Variants in SRFBP1 observed in about 807,000 individuals in gnomAD.
SRFBP1 encodes serum response factor binding protein 1.
Under a neutral mutation model 45.5 loss-of-function variants are expected in SRFBP1, and 47 were observed. That is an observed-to-expected ratio of 1.03 (90% CI 0.82 to 1.32). The LOEUF (loss-of-function observed/expected upper bound fraction) is 1.32. SRFBP1 is among the 40% of genes most tolerant of loss of function. SRFBP1 has a pLI of 0.00. For synonymous variants in SRFBP1, 203 were observed against 166.3 expected, an observed-to-expected ratio of 1.22 and a Z score of -1.70; for missense variants, 621 against 484.6, an observed-to-expected ratio of 1.28 and a Z score of -2.64.
chr5:122,069,038 ACT>A (rs1754380973), intron 2 of SRFBP1, among the ~76,000 whole-genome samples: 3 of 151,900 alleles, frequency 2.0e-5, no homozygotes, highest in South Asian at 4.2e-4. Context: ...AATGTATGTG[ACT>A]CTGTTTTTTC....
chr5:122,057,112 C>T (rs1666380223), intron 2 of SRFBP1, among the ~76,000 whole-genome samples: 1 of 152,114 alleles, frequency 6.6e-6, no homozygotes, highest in African/African-American at 2.4e-5. Flanking sequence ...CTTGTCTTTC[C>T]AGTAACCTCT....
intron 3 of SRFBP1, among the ~76,000 whole-genome samples, chr5:121,984,172 T>C (rs1310517656): frequency 6.6e-6 from 1 of 151,820 alleles, no homozygotes; most frequent in Non-Finnish European, 1.5e-5. Context: ...TTGGGAAAGA[T>C]GGAGGATATA....
At chr5:122,047,546 A>G (rs1561407911) in intron 2 of SRFBP1, among the ~76,000 whole-genome samples, 1 of 152,174 alleles carries the variant, frequency 6.6e-6, no homozygotes, top group African/African-American at 2.4e-5. Context: ...TTTTGGTTCC[A>G]TATGAACTTT....
intron 3 of SRFBP1, among the ~76,000 whole-genome samples, chr5:121,990,480 C>T (rs1341381784): frequency 1.3e-5 from 2 of 152,132 alleles, no homozygotes; most frequent in Admixed American, 1.3e-4. Flanking sequence ...GTACTATCCT[C>T]ACTATCAGCA....
chr5:122,042,805 TCTG>T (rs778334250), intron 2 of SRFBP1, among the ~76,000 whole-genome samples: 15 of 152,180 alleles, frequency 9.9e-5, no homozygotes, highest in African/African-American at 3.1e-4. Context: ...ATTTTCCTTC[TCTG>T]CTATTTTAGA....
At chr5:121,962,558 T>G (rs1751970990) in intron 1 of SRFBP1, among the ~76,000 whole-genome samples, 1 of 152,234 alleles carries the variant, frequency 6.6e-6, no homozygotes, top group Non-Finnish European at 1.5e-5. Flanking sequence ...CCTCTTCCAG[T>G]TAGTGTCCTA....
intron 4 of SRFBP1, 101 bp downstream of exon 4, chr5:121,994,771 G>A (rs1482459170): frequency 1.4e-6 from 1 of 729,066 alleles, no homozygotes; most frequent in Non-Finnish European, 2.2e-6. Context: ...CATGCTATTA[G>A]TTTGTAATTA....
chr5:122,077,058 A>G (rs1209285601), downstream of SRFBP1: 1 of 1,600,034 alleles, frequency 6.2e-7, no homozygotes, highest in Admixed American at 1.7e-5. The surrounding 1 kb of genome is among the most constrained non-coding windows in gnomAD (Gnocchi z 4.9). Context: ...CCCCCGCTCC[A>G]ACTCCCTACC....
In SRFBP1 at chr5:122,072,476, A is replaced by T. The variant is rs533168255; in HGVS notation, n.312-2839A>T. On this transcript the variant is annotated intron_variant and non_coding_transcript_variant, in intron 2 of 2. Transcript: ENST00000504881. ...ACTGTTTTAGTTTCGTATATATTTAATATGTAAATTTTTGTCTCAGAACAC... is the reference window on the plus strand; with the variant it reads ...ACTGTTTTAGTTTCGTATATATTTATTATGTAAATTTTTGTCTCAGAACAC... 1.3e-4 allele frequency among the ~76,000 whole-genome samples: 20 copies of T among 152,328 alleles called. No homozygotes were observed. In the South Asian group the frequency reaches 4.1e-3, roughly 32 times the overall value.
intron 4 of SRFBP1, among the ~76,000 whole-genome samples, chr5:121,998,216 G>A (rs1385495619): frequency 5.9e-5 from 9 of 152,026 alleles, no homozygotes; most frequent in Non-Finnish European, 8.8e-5. Flanking sequence ...ACATGCACAC[G>A]TATGTTTATT....
At chr5:122,009,115 G>A (rs1753037747) in intron 4 of SRFBP1, among the ~76,000 whole-genome samples, 1 of 152,172 alleles carries the variant, frequency 6.6e-6, no homozygotes, top group African/African-American at 2.4e-5. Flanking sequence ...AGACATCCTA[G>A]TGCGTGTATA....
chr5:122,044,061 C>T (rs1017589933), intron 2 of SRFBP1, among the ~76,000 whole-genome samples: 3 of 152,024 alleles, frequency 2.0e-5, no homozygotes, highest in Admixed American at 6.6e-5. Context: ...CTAGTAGCCA[C>T]GTGTTCTCAT....
chr5:122,003,744 G>A (rs112583391), intron 4 of SRFBP1, among the ~76,000 whole-genome samples: 12,574 of 152,036 alleles, frequency 0.083, 829 homozygotes, highest in African/African-American at 0.18. Context: ...CTTTTTTGTA[G>A]TAGCCATTCT....
chr5:121,990,413 C>T (rs1752595299), intron 3 of SRFBP1, among the ~76,000 whole-genome samples: 1 of 152,108 alleles, frequency 6.6e-6, no homozygotes, highest in African/African-American at 2.4e-5. Flanking sequence ...GCAGGAGACA[C>T]CGTGGACTAC....
rs1039040268 is a variant in SRFBP1, at chr5:122,051,010, C to T, written n.312-24305C>T. Among the ~76,000 whole-genome samples the T allele has an allele frequency of 1.3e-5, 2 of 152,004 alleles. 1 individual carries two copies. The highest frequency in any genetic ancestry group is 1.3e-4 in the Admixed American group (2 of 15,254). Reference sequence around the variant, plus strand: ...TTGCTGCCTTAATTTCATTGTTTCCCCAAACATTATTCAGGAGCAGGTTAT... The same window carrying T: ...TTGCTGCCTTAATTTCATTGTTTCCTCAAACATTATTCAGGAGCAGGTTAT... On this transcript the variant is annotated intron_variant and non_coding_transcript_variant, in intron 2 of 2. Coordinates refer to the SRFBP1 transcript ENST00000504881.
At chr5:122,013,499 C>CA (rs1003816900) in intron 4 of SRFBP1, among the ~76,000 whole-genome samples, 19 of 151,476 alleles carry the variant, frequency 1.3e-4, no homozygotes, top group African/African-American at 4.6e-4. Context: ...GAAAATTTTC[C>CA]AAAAAAAGAT....
At chr5:122,077,773 G>C (rs747652187), downstream of SRFBP1, 3 of 1,549,648 alleles carry the variant, frequency 1.9e-6, no homozygotes, top group South Asian at 2.4e-5. The surrounding 1 kb of genome is among the most constrained non-coding windows in gnomAD (Gnocchi z 4.9). Context: ...CGGCGCCCGG[G>C]TCCCGGCGGC....
intron 3 of SRFBP1, among the ~76,000 whole-genome samples, chr5:121,983,375 A>G (rs1314705506): frequency 6.6e-6 from 1 of 151,754 alleles, no homozygotes; most frequent in East Asian, 1.9e-4. Flanking sequence ...ACCTCTTTGT[A>G]CCTGACAGAA....
intron 7 of SRFBP1, among the ~76,000 whole-genome samples, chr5:122,025,396 A>G (rs1753458549): frequency 6.6e-6 from 1 of 152,140 alleles, no homozygotes; most frequent in Non-Finnish European, 1.5e-5. Context: ...AGTCTTTGCT[A>G]TTGTGAATAG....
Sources: gnomAD v4.1 joint callset for allele counts (sites outside exome capture counted in the v4.1 genomes callset) on GRCh38, gnomAD v4.1.1 for gene constraint, Gnocchi (gnomAD v3.1) non-coding constraint, MANE v1.5 for transcripts, NCBI Gene and HGNC (gene_info 2026-07-23, HGNC 2026-07-21) for gene names.